The following OR1L1 variants were observed in gnomAD, a reference collection of about 807,000 sequenced individuals.
OR1L1 encodes the protein olfactory receptor family 1 subfamily L member 1.
For missense variants in OR1L1, 367 were observed against 371.1 expected (o/e 0.99, Z 0.09); for synonymous variants, 132 against 139.1 (o/e 0.95, Z 0.36).
rs1373804433 is a variant in OR1L1 at position 122,662,156 on chromosome 9, C to G, written c.441C>G (p.Leu147=). 1 of 1,614,072 alleles carries G rather than the reference C, an allele frequency of 6.2e-7. No homozygotes were observed. The highest frequency in any genetic ancestry group is 2.2e-5 in the East Asian group (1 of 44,886). The stretch of plus-strand genomic sequence containing the variant: ...GATGCTGTGTCCTGCTTCTGGTTCT[C>G]TCCTTCTGCATTCCACATTTTCACT... ...SHRCCVLLLV[L]SFCIPHFHSL... is the part of the protein sequence containing the mutation. The change falls in exon 1 of 1, where the codon CTC becomes CTG. Residue 147 remains leucine (L), a synonymous_variant. Transcript: ENST00000309623.
Position 122,662,589 on chromosome 9 carries a change from A to C in OR1L1, c.874A>C (p.Arg292=). The C allele has an allele frequency of 6.2e-7, 1 of 1,613,488 alleles. No homozygotes were observed. The highest frequency in any genetic ancestry group is 8.5e-7 in the Non-Finnish European group (1 of 1,180,020). ...PMLNPFIYSL[R]NKDMKQGLAK... is the part of the protein sequence containing the mutation. ...GCTAAATCCATTTATCTATAGTCTG[A>C]GGAACAAAGACATGAAGCAGGGTTT... The change falls in exon 1 of 1, where the codon AGG becomes CGG. Residue 292 remains arginine, a synonymous_variant. Transcript: ENST00000309623.
Position 122,662,101 on chromosome 9 carries a change from C to T in OR1L1, c.386C>T (p.Pro129Leu). 1 of 1,614,024 alleles carries T rather than the reference C, an allele frequency of 6.2e-7. No individual in the cohort carries two copies. The highest frequency in any genetic ancestry group is 8.5e-7 in the Non-Finnish European group (1 of 1,180,014). Residue 129 changes from proline to leucine, a missense_variant, in exon 1 of 1, where the codon CCC becomes CTC. Transcript: ENST00000309623. ...GACCGCTATGTGGCCATATGTAATC[C>T]CTTCCACTACATCACCATTATGAGT... ...AIDRYVAICN[P>L]FHYITIMSHR...
Position 122,662,189 on chromosome 9 carries a change from G to A in OR1L1, c.474G>A (p.Leu158=), listed in dbSNP as rs2118844650. 6.2e-7 allele frequency: 1 copy of A among 1,613,928 alleles called. No homozygotes were observed. The highest frequency in any genetic ancestry group is 8.5e-7 in the Non-Finnish European group (1 of 1,180,028). Residue 158 remains leucine, a synonymous_variant, in exon 1 of 1, where the codon CTG becomes CTA. Transcript: ENST00000309623. ...SFCIPHFHSL[L]HILLTNQLIF... ...GCATTCCACATTTTCACTCCCTCCT[G>A]CACATTCTTCTGACTAATCAGCTCA...
In OR1L1 at chr9:122,662,228, A is replaced by C. The variant is rs70156; in HGVS notation, c.513A>C (p.Ser171=). 0.25 allele frequency: 406,307 copies of C among 1,613,656 alleles called. 63,808 individuals carry two copies. Among genetic ancestry groups the C allele is most frequent in the African/African-American group, 0.67 (50,488 of 74,936 alleles). ...LLTNQLIFCA[S]NVIHHFFCDD... is the part of the protein sequence containing the mutation. ...CTAATCAGCTCATCTTCTGTGCCTCAAATGTCATCCATCACTTTTTCTGCG... is the reference window on the plus strand; with the variant it reads ...CTAATCAGCTCATCTTCTGTGCCTCCAATGTCATCCATCACTTTTTCTGCG... Residue 171 remains serine (S), a synonymous_variant, in exon 1 of 1, where the codon TCA becomes TCC. Coordinates refer to ENST00000309623, the MANE Select transcript of OR1L1 (RefSeq NM_001005236.3).
chr9:122,662,282 T>C lies in OR1L1; in HGVS notation c.567T>C (p.Cys189=). 1 of 1,614,166 alleles carries C rather than the reference T, an allele frequency of 6.2e-7. No individual in the cohort carries two copies. Among genetic ancestry groups the C allele is most frequent in the Non-Finnish European group, 8.5e-7 (1 of 1,180,028 alleles). The change falls in exon 1 of 1, where the codon TGT becomes TGC. Residue 189 remains cysteine, a synonymous_variant. Coordinates refer to ENST00000309623, the MANE Select transcript of OR1L1 (RefSeq NM_001005236.3). ...ATCAACCAGTGCTAAAATTGTCCTG[T>C]TCCTCCCATTTTGTCAAAGAAATCA... ...CDDQPVLKLS[C]SSHFVKEITV...
rs1830516791 is a variant in OR1L1 at position 122,661,759 on chromosome 9, T to C, written c.44T>C (p.Leu15Pro). 6.2e-7 allele frequency: 1 copy of C among 1,614,172 alleles called. No individual in the cohort carries two copies. Among genetic ancestry groups the C allele is most frequent in the Non-Finnish European group, 8.5e-7 (1 of 1,180,024 alleles). ...NLTRPSEFIL[L>P]GLSSRPEDQK... ...ACAAGACCCTCTGAATTCATCCTCCTTGGACTCTCCTCTCGACCTGAGGAT... is the reference window on the plus strand; with the variant it reads ...ACAAGACCCTCTGAATTCATCCTCCCTGGACTCTCCTCTCGACCTGAGGAT... Residue 15 changes from leucine (L) to proline (P), a missense_variant, in exon 1 of 1, where the codon CTT becomes CCT. By Grantham distance (98) the Leu-to-Pro change is moderately conservative. Transcript: ENST00000309623.
Position 122,661,737 on chromosome 9 carries a change from A to G in OR1L1, c.22A>G (p.Arg8Gly), listed in dbSNP as rs372145563. The change falls in exon 1 of 1, where the codon AGA (arginine) becomes GGA (glycine). Residue 8 changes from arginine (R) to glycine (G), a missense_variant. Physicochemically the swap from Arg to Gly is moderately radical, Grantham distance 125. Transcript: ENST00000309623. ...AACTATGGGAAGAAATAACCTAACA[A>G]GACCCTCTGAATTCATCCTCCTTGG... MGRNNLT[R>G]PSEFILLGLS... 108 of 1,614,070 alleles carry G rather than the reference A, an allele frequency of 6.7e-5. No homozygotes were observed. The highest frequency in any genetic ancestry group is 1.2e-4 in the Admixed American group (7 of 60,002).
chr9:122,662,457 G>A lies in OR1L1; in HGVS notation c.742G>A (p.Val248Met). Residue 248 changes from valine to methionine, a missense_variant, in exon 1 of 1, where the codon GTG becomes ATG. Val to Met is a conservative substitution (Grantham distance 21). Transcript: ENST00000309623. ...FSTCGSHLTV[V>M]TLFYGSISYL... ...TACCTGTGGCTCTCATCTCACAGTG[G>A]TGACCCTGTTTTATGGAAGCATTAG... is the stretch of plus-strand genomic sequence containing the variant. 1 of 1,614,198 alleles carries A rather than the reference G, an allele frequency of 6.2e-7. No individual in the cohort carries two copies. Among genetic ancestry groups the A allele is most frequent in the African/African-American group, 1.3e-5 (1 of 75,040 alleles).
Position 122,662,215 on chromosome 9 carries a change from T to A in OR1L1, c.500T>A (p.Ile167Asn), listed in dbSNP as rs868062718. Residue 167 changes from isoleucine (I) to asparagine (N), a missense_variant, in exon 1 of 1, where the codon ATC (isoleucine) becomes AAC (asparagine). Physicochemically the swap from Ile to Asn is moderately radical, Grantham distance 149. Coordinates refer to ENST00000309623, the MANE Select transcript of OR1L1 (RefSeq NM_001005236.3). ...LLHILLTNQLIFCASNVIHHF... is the reference protein window; with the variant it reads ...LLHILLTNQLNFCASNVIHHF... ...CACATTCTTCTGACTAATCAGCTCA[T>A]CTTCTGTGCCTCAAATGTCATCCAT... 4 of 1,614,060 alleles carry A rather than the reference T, an allele frequency of 2.5e-6. No individual in the cohort carries two copies. Among genetic ancestry groups the A allele is most frequent in the Non-Finnish European group, 3.4e-6 (4 of 1,180,018 alleles).
rs1587992803 is a variant in OR1L1, at chr9:122,662,011, C to A, written c.296C>A (p.Thr99Asn). Residue 99 changes from threonine to asparagine, a missense_variant, in exon 1 of 1, where the codon ACC becomes AAC. By Grantham distance (65) the Thr-to-Asn change is moderately conservative. Coordinates refer to ENST00000309623, the MANE Select transcript of OR1L1 (RefSeq NM_001005236.3). ...ACCATCTCTTACAGTGAGTGTCTGA[C>A]CCAGATGTACTTTTTCTTAGCCTTT... ...TKTISYSECL[T>N]QMYFFLAFGN... The A allele has an allele frequency of 1.2e-6, 2 of 1,614,148 alleles. No individual in the cohort carries two copies. Among genetic ancestry groups the A allele is most frequent in the East Asian group, 4.5e-5 (2 of 44,890 alleles).
rs16912062 is a variant in OR1L1, at chr9:122,662,610, G to C, written c.895G>C (p.Gly299Arg). The C allele has an allele frequency of 1.9e-3, 2,985 of 1,611,886 alleles. 39 individuals are homozygous for C. In the African/African-American group the frequency reaches 0.036, roughly 19 times the overall value. The change falls in exon 1 of 1, where the codon GGT becomes CGT. Residue 299 changes from glycine (G) to arginine (R), a missense_variant. Gly to Arg is a moderately radical substitution (Grantham distance 125). Coordinates refer to ENST00000309623, the MANE Select transcript of OR1L1 (RefSeq NM_001005236.3). The part of the protein sequence containing the change: ...YSLRNKDMKQ[G>R]LAKLMHRMKC... ...TCTGAGGAACAAAGACATGAAGCAG[G>C]GTTTGGCAAAGTTGATGCACAGGAT...
In OR1L1 at chr9:122,662,033, C is replaced by G; in HGVS notation, c.318C>G (p.Ala106=). The G allele has an allele frequency of 6.2e-7, 1 of 1,614,108 alleles. No individual in the cohort carries two copies. Among genetic ancestry groups the G allele is most frequent in the South Asian group, 1.1e-5 (1 of 91,076 alleles). ...ECLTQMYFFL[A]FGNTDSYLLA... is the part of the protein sequence containing the mutation. Reference sequence around the variant, plus strand: ...TGACCCAGATGTACTTTTTCTTAGCCTTTGGAAACACAGACAGTTACCTGC... The same window carrying G: ...TGACCCAGATGTACTTTTTCTTAGCGTTTGGAAACACAGACAGTTACCTGC... Residue 106 remains alanine, a synonymous_variant, in exon 1 of 1, where the codon GCC becomes GCG. Transcript: ENST00000309623.
rs754064342 is a variant in OR1L1, at chr9:122,661,965, A to T, written c.250A>T (p.Asn84Tyr). 3 of 1,614,188 alleles carry T rather than the reference A, an allele frequency of 1.9e-6. No homozygotes were observed. Among genetic ancestry groups the T allele is most frequent in the Admixed American group, 3.3e-5 (2 of 60,026 alleles). Residue 84 changes from asparagine to tyrosine, a missense_variant, in exon 1 of 1, where the codon AAC becomes TAC. By Grantham distance (143) the Asn-to-Tyr change is moderately radical (BLOSUM62 -2). Coordinates refer to ENST00000309623, the MANE Select transcript of OR1L1 (RefSeq NM_001005236.3). ...AGTCATTATCCCTAAGATGCTGGTG[A>T]ACTTCTTATCAGAGACAAAGACCAT... Reference protein sequence around the residue: ...VTVIIPKMLVNFLSETKTISY... With the variant: ...VTVIIPKMLVYFLSETKTISY...
rs183745130 is a variant in OR1L1 at position 122,662,232 on chromosome 9, G to A, written c.517G>A (p.Val173Ile). The A allele has an allele frequency of 1.2e-6, 2 of 1,613,900 alleles. No homozygotes were observed. The highest frequency in any genetic ancestry group is 1.1e-5 in the South Asian group (1 of 91,080). The change falls in exon 1 of 1, where the codon GTC becomes ATC. Residue 173 changes from valine to isoleucine, a missense_variant. Transcript: ENST00000309623. ...TCAGCTCATCTTCTGTGCCTCAAAT[G>A]TCATCCATCACTTTTTCTGCGATGA... ...TNQLIFCASNVIHHFFCDDQP... is the reference protein window; with the variant it reads ...TNQLIFCASNIIHHFFCDDQP...
Position 122,662,054 on chromosome 9 carries a change from C to A in OR1L1, c.339C>A (p.Tyr113Ter), listed in dbSNP as rs764414410. ...TAGCCTTTGGAAACACAGACAGTTA[C>A]CTGCTAGCAGCCATGGCCATTGACC... Reference protein sequence around the residue: ...FFLAFGNTDSYLLAAMAIDRY... With the variant: ...FFLAFGNTDS Residue 113 changes from tyrosine (Y) to a stop codon, truncating the protein, a stop_gained, in exon 1 of 1, where the codon TAC becomes TAA. Transcript: ENST00000309623. LOFTEE classifies it low-confidence loss of function (END_TRUNC). The A allele has an allele frequency of 6.2e-6, 10 of 1,613,936 alleles. No individual in the cohort carries two copies. The highest frequency in any genetic ancestry group is 7.6e-6 in the Non-Finnish European group (9 of 1,180,022).
Position 122,662,478 on chromosome 9 carries a change from A to T in OR1L1, c.763A>T (p.Ile255Phe). The T allele has an allele frequency of 6.2e-7, 1 of 1,614,206 alleles. No homozygotes were observed. The change falls in exon 1 of 1, where the codon ATT (isoleucine) becomes TTT (phenylalanine). Residue 255 changes from isoleucine to phenylalanine, a missense_variant. Coordinates refer to ENST00000309623, the MANE Select transcript of OR1L1 (RefSeq NM_001005236.3). ...LTVVTLFYGS[I>F]SYLYFQPLSN... Reference sequence around the variant, plus strand: ...AGTGGTGACCCTGTTTTATGGAAGCATTAGCTATCTCTATTTTCAGCCCCT... The same window carrying T: ...AGTGGTGACCCTGTTTTATGGAAGCTTTAGCTATCTCTATTTTCAGCCCCT...
In OR1L1 at chr9:122,662,235, A is replaced by C. The variant is rs1467646027; in HGVS notation, c.520A>C (p.Ile174Leu). 1 of 1,613,996 alleles carries C rather than the reference A, an allele frequency of 6.2e-7. No homozygotes were observed. Among genetic ancestry groups the C allele is most frequent in the Non-Finnish European group, 8.5e-7 (1 of 1,180,008 alleles). Residue 174 changes from isoleucine to leucine, a missense_variant, in exon 1 of 1, where the codon ATC becomes CTC. By Grantham distance (5) the Ile-to-Leu change is conservative. Coordinates refer to ENST00000309623, the MANE Select transcript of OR1L1 (RefSeq NM_001005236.3). Reference sequence around the variant, plus strand: ...GCTCATCTTCTGTGCCTCAAATGTCATCCATCACTTTTTCTGCGATGATCA... The same window carrying C: ...GCTCATCTTCTGTGCCTCAAATGTCCTCCATCACTTTTTCTGCGATGATCA... Reference protein sequence around the residue: ...NQLIFCASNVIHHFFCDDQPV... With the variant: ...NQLIFCASNVLHHFFCDDQPV...
At position 122,662,431 on chromosome 9, in the gene OR1L1, C is replaced by A. The variant is rs1339850046; in HGVS notation, c.716C>A (p.Ser239Tyr). 9 of 1,614,070 alleles carry A rather than the reference C, an allele frequency of 5.6e-6. No individual in the cohort carries two copies. Among genetic ancestry groups the A allele is most frequent in the African/African-American group, 1.3e-5 (1 of 74,946 alleles). Residue 239 changes from serine to tyrosine, a missense_variant, in exon 1 of 1, where the codon TCT (serine) becomes TAT (tyrosine). Coordinates refer to ENST00000309623, the MANE Select transcript of OR1L1 (RefSeq NM_001005236.3). ...PSAAGKRKAF[S>Y]TCGSHLTVVT... ...GCTGCTGGAAAGCGTAAAGCATTTT[C>A]TACCTGTGGCTCTCATCTCACAGTG...
At position 122,661,881 on chromosome 9, in the gene OR1L1, C is replaced by T. The variant is rs757346895; in HGVS notation, c.166C>T (p.Gln56Ter). The T allele has an allele frequency of 8.7e-6, 14 of 1,614,216 alleles. No individual in the cohort carries two copies. The highest frequency in any genetic ancestry group is 1.2e-5 in the Non-Finnish European group (14 of 1,180,052). The change falls in exon 1 of 1, where the codon CAG (glutamine) becomes TAG (stop). Residue 56 changes from glutamine to a stop codon, truncating the protein, a stop_gained. Coordinates refer to ENST00000309623, the MANE Select transcript of OR1L1 (RefSeq NM_001005236.3). LOFTEE classifies it low-confidence loss of function (END_TRUNC). ...ILAIRSDTRL[Q>*]TPMYFFLSIL... ...GGCCATCCGCTCAGACACTCGTCTC[C>T]AGACGCCCATGTACTTCTTTCTAAG...
Sources: allele counts gnomAD v4.1 joint callset, GRCh38; gene constraint gnomAD v4.1.1; transcripts MANE v1.5; gene names NCBI Gene and HGNC (gene_info 2026-07-23, HGNC 2026-07-21).